CYTH3: variants seen among roughly 807,000 people sequenced by gnomAD.
CYTH3 encodes cytohesin 3.
In CYTH3, 23 loss-of-function variants were observed where a neutral mutation model predicts 55.1. The ratio of observed to expected loss-of-function variants is 0.42; its 90% CI spans 0.30 to 0.59. CYTH3 has a LOEUF of 0.59. CYTH3 is among the 20% of genes least tolerant of loss of function. The pLI, the probability that CYTH3 is intolerant of heterozygous loss-of-function variation, is 0.20. For synonymous variants in CYTH3, 249 were observed against 194.9 expected, an observed-to-expected ratio of 1.28 and a Z score of -2.31; for missense variants, 413 against 524.8, an observed-to-expected ratio of 0.79 and a Z score of 2.08.
chr7:6,251,271 G>A (rs943511906), intron 1 of CYTH3, among the ~76,000 whole-genome samples: 3 of 150,908 alleles, frequency 2.0e-5, no homozygotes, highest in South Asian at 2.1e-4. Context: ...GCGAAACACC[G>A]TCTCAAAAAA....
intron 1 of CYTH3, among the ~76,000 whole-genome samples, chr7:6,271,443 T>C (rs1043713972): frequency 2.0e-5 from 3 of 151,798 alleles, no homozygotes; most frequent in Admixed American, 2.0e-4. Flanking sequence ...GGGGTTCTGA[T>C]GATTCTGATG....
At chr7:6,226,227 C>T (rs1157453705) in intron 1 of CYTH3, among the ~76,000 whole-genome samples, 1 of 152,192 alleles carries the variant, frequency 6.6e-6, no homozygotes. Flanking sequence ...TCCTCCTGTA[C>T]ACACACATCC....
chr7:6,245,982 T>A (rs1583193362), intron 1 of CYTH3, among the ~76,000 whole-genome samples: 1 of 152,324 alleles, frequency 6.6e-6, no homozygotes, highest in East Asian at 1.9e-4. Flanking sequence ...CAAAATGGAT[T>A]ATCTCCCATT....
chr7:6,218,009 C>G (rs572621464), intron 1 of CYTH3, among the ~76,000 whole-genome samples: 1 of 152,152 alleles, frequency 6.6e-6, no homozygotes, highest in Admixed American at 6.5e-5. Context: ...ATGACAAAAC[C>G]TCATCTCTAT....
intron 1 of CYTH3, among the ~76,000 whole-genome samples, chr7:6,207,962 G>A (rs1002544683): frequency 6.6e-6 from 1 of 151,864 alleles, no homozygotes; most frequent in African/African-American, 2.4e-5. Flanking sequence ...GGGGGTGGGG[G>A]GAAAGGTGTT....
chr7:6,189,530 A>T (rs1302212818), intron 2 of CYTH3, among the ~76,000 whole-genome samples: 1 of 151,702 alleles, frequency 6.6e-6, no homozygotes, highest in African/African-American at 2.4e-5. Flanking sequence ...GCTGGTCTTG[A>T]ACTCCTGGGC....
intron 4 of CYTH3, among the ~76,000 whole-genome samples, chr7:6,183,552 A>G (rs1783558146): frequency 6.6e-6 from 1 of 152,206 alleles, no homozygotes; most frequent in African/African-American, 2.4e-5. Flanking sequence ...CCCTGTTTAA[A>G]GTGTCATCAC....
In CYTH3 at chr7:6,196,355, G is replaced by A. The variant is rs79504854; in HGVS notation, c.35-5824C>T. Among the ~76,000 whole-genome samples the A allele has an allele frequency of 8.4e-3, 1,281 of 151,956 alleles. 11 individuals carry two copies. The highest frequency in any genetic ancestry group is 0.014 in the Non-Finnish European group (960 of 67,980). Reference sequence around the variant, plus strand: ...AACAGGCAGAAAACCAACATCGAATGCCCAGAGAGATCAAATAAAATAAAG... The same window carrying A: ...AACAGGCAGAAAACCAACATCGAATACCCAGAGAGATCAAATAAAATAAAG... On this transcript the variant is annotated intron_variant, in intron 1 of 12. Transcript: ENST00000350796.
At chr7:6,210,747 G>C (rs190635584) in intron 1 of CYTH3, among the ~76,000 whole-genome samples, 23 of 152,290 alleles carry the variant, frequency 1.5e-4, no homozygotes, top group South Asian at 4.1e-4. Flanking sequence ...ATCATCTTGA[G>C]TAGTGGTGCC....
At chr7:6,184,690 C>T (rs149526481) in intron 4 of CYTH3, among the ~76,000 whole-genome samples, 2,301 of 151,836 alleles carry the variant, frequency 0.015, 28 homozygotes, top group Middle Eastern at 0.061. Context: ...GCGATTCTCG[C>T]GCCTCAGCCT....
chr7:6,173,703 G>A lies in CYTH3; in HGVS notation c.399C>T (p.Ala133=), dbSNP rs763254758. 5.6e-6 allele frequency: 9 copies of A among 1,610,074 alleles called. No individual in the cohort carries two copies. In the East Asian group the frequency reaches 8.9e-5, roughly 16 times the overall value. The change falls in exon 6 of 13, where the codon GCC becomes GCT. Residue 133 remains alanine (A), a synonymous_variant. Coordinates refer to ENST00000350796, the MANE Select transcript of CYTH3 (RefSeq NM_004227.4). Reference sequence around the variant, plus strand: ...CAGCAAACTCATGGAGTTCAACAAAGGCTTGAAGAACTTTAATATTAAATT... The same window carrying A: ...CAGCAAACTCATGGAGTTCAACAAAAGCTTGAAGAACTTTAATATTAAATT... ...RDEFNIKVLQ[A]FVELHEFADL...
At chr7:6,270,977 T>C (rs1780634675) in intron 1 of CYTH3, among the ~76,000 whole-genome samples, 1 of 152,196 alleles carries the variant, frequency 6.6e-6, no homozygotes, top group African/African-American at 2.4e-5. Context: ...TTGACGCTAA[T>C]GTCCAACGTC....
At chr7:6,244,265 A>G (rs1297927060) in intron 1 of CYTH3, among the ~76,000 whole-genome samples, 1 of 152,214 alleles carries the variant, frequency 6.6e-6, no homozygotes, top group East Asian at 1.9e-4. Flanking sequence ...TCCTAAACCT[A>G]TTCATCTAGA....
intron 1 of CYTH3, among the ~76,000 whole-genome samples, chr7:6,240,086 G>A (rs1049462473): frequency 2.6e-5 from 4 of 151,914 alleles, no homozygotes; most frequent in Admixed American, 6.5e-5. Flanking sequence ...CAGGTGGATC[G>A]CGTGAGGTCA....
rs374730483 is a variant in CYTH3 at position 6,165,254 on chromosome 7, C to T, written c.1127+19G>A. Reference sequence around the variant, plus strand: ...GCACGAGAAGACGGGCCTGGCCCCGCCCCCGAGGCCCCACTCACTTGATGG... The same window carrying T: ...GCACGAGAAGACGGGCCTGGCCCCGTCCCCGAGGCCCCACTCACTTGATGG... On this transcript the variant is annotated intron_variant, in intron 12 of 12. Transcript: ENST00000350796. 81 of 1,598,988 alleles carry T rather than the reference C, an allele frequency of 5.1e-5. No individual in the cohort carries two copies. Among genetic ancestry groups the T allele is most frequent in the Non-Finnish European group, 6.5e-5 (76 of 1,172,656 alleles).
intron 4 of CYTH3, among the ~76,000 whole-genome samples, chr7:6,178,389 TCACTA>T (rs1447662610): frequency 1.3e-5 from 2 of 152,172 alleles, no homozygotes; most frequent in Non-Finnish European, 2.9e-5. Context: ...GCCACCCCCT[TCACTA>T]GAGAGGGAGT....
At chr7:6,270,559 A>C (rs975657558) in intron 1 of CYTH3, among the ~76,000 whole-genome samples, 1 of 152,222 alleles carries the variant, frequency 6.6e-6, no homozygotes, top group Non-Finnish European at 1.5e-5. Flanking sequence ...ACCAATGTTT[A>C]TGTTGTTTAA....
At chr7:6,268,024 C>T (rs542791909) in intron 1 of CYTH3, among the ~76,000 whole-genome samples, 4 of 152,326 alleles carry the variant, frequency 2.6e-5, no homozygotes, top group African/African-American at 9.6e-5. Flanking sequence ...ACTCAGTTCC[C>T]ATCATCTTCC....
rs1488712968 is a variant in CYTH3, at chr7:6,212,226, G to T, written c.35-21695C>A. 2.6e-5 allele frequency among the ~76,000 whole-genome samples: 4 copies of T among 152,118 alleles called. No homozygotes were observed. In the South Asian group the frequency reaches 8.3e-4, roughly 32 times the overall value. ...TGACTCAGCAGTCTTGAACTCCAGG[G>T]CTCATGCAGTCATTCTGCCTTTGCC... is the stretch of plus-strand genomic sequence containing the variant. On this transcript the variant is annotated intron_variant, in intron 1 of 12. Coordinates refer to ENST00000350796, the MANE Select transcript of CYTH3 (RefSeq NM_004227.4).
Sources: gnomAD v4.1 joint callset for allele counts (sites outside exome capture counted in the v4.1 genomes callset) on GRCh38, gnomAD v4.1.1 for gene constraint, MANE v1.5 for transcripts, NCBI Gene and HGNC (gene_info 2026-07-23, HGNC 2026-07-21) for gene names.